DNAH17: variants seen among roughly 807,000 people sequenced by gnomAD.
The protein encoded by DNAH17 is dynein axonemal heavy chain 17.
In DNAH17, 376 loss-of-function variants were observed where a neutral mutation model predicts 485.6. That is an observed-to-expected ratio of 0.77 (90% CI 0.71 to 0.84). DNAH17 has a LOEUF of 0.84. DNAH17 is among the 40% of genes least tolerant of loss of function. The pLI is 0.00. For synonymous variants in DNAH17, 3,031 were observed against 2,405.9 expected (o/e 1.26, Z -7.60); for missense variants, 6,370 against 5,839.3 (o/e 1.09, Z -2.96).
At chr17:78,446,732 C>T (rs1171131788) in intron 69 of DNAH17, among the ~76,000 whole-genome samples, 1 of 152,186 alleles carries the variant, frequency 6.6e-6, no homozygotes, top group African/African-American at 2.4e-5. Flanking sequence ...CAACTTCCAC[C>T]TCCTGGGTTC....
rs147635852 is a variant in DNAH17, at chr17:78,459,942, G to A, written c.9495C>T (p.Thr3165=). 1.4e-4 allele frequency: 223 copies of A among 1,613,746 alleles called. No individual in the cohort carries two copies. The African/African-American group carries it at 1.9e-3, about 14-fold the overall frequency. The change falls in exon 60 of 81, where the codon ACC becomes ACT. Residue 3165 remains threonine (T), a synonymous_variant. Transcript: ENST00000389840. ...GTGCGGTCAGAATCATGACGGCGGC[G>A]GTGACGTTGACCACAGCATCCGGCG... ...GSPPDAVVNV[T]AAVMILTAPG...
chr17:78,449,122 A>C (rs76536661), intron 69 of DNAH17, among the ~76,000 whole-genome samples: 1,940 of 152,310 alleles, frequency 0.013, 40 homozygotes, highest in African/African-American at 0.041. Context: ...ACTCAGCACA[A>C]CTTACATGTA....
intron 58 of DNAH17, among the ~76,000 whole-genome samples, chr17:78,460,903 G>A (rs1473675096): frequency 1.3e-5 from 2 of 152,172 alleles, no homozygotes; most frequent in Admixed American, 1.3e-4. Context: ...TCAGGAGACA[G>A]TGGGCCATGA....
At chr17:78,452,820 C>A (rs1466739523) in intron 65 of DNAH17, among the ~76,000 whole-genome samples, 3 of 152,098 alleles carry the variant, frequency 2.0e-5, no homozygotes, top group Non-Finnish European at 4.4e-5. Flanking sequence ...AGGAAATGTC[C>A]AGAATAGGCA....
chr17:78,441,947 G>A (rs905109809), intron 71 of DNAH17, among the ~76,000 whole-genome samples: 2 of 152,160 alleles, frequency 1.3e-5, no homozygotes, highest in Non-Finnish European at 2.9e-5. Flanking sequence ...GCCAGGTGTG[G>A]TGGCACAGGC....
chr17:78,510,677 C>T (rs2090610450), intron 26 of DNAH17, 171 bp from the exon 27 acceptor site: 2 of 816,336 alleles, frequency 2.4e-6, no homozygotes, highest in East Asian at 5.5e-5. Context: ...GAGGAAGTGA[C>T]TTCTCCAAGC....
chr17:78,536,258 T>C (rs2091371030), intron 19 of DNAH17, among the ~76,000 whole-genome samples: 2 of 151,736 alleles, frequency 1.3e-5, no homozygotes, highest in South Asian at 4.2e-4. Context: ...GCCAACATGG[T>C]GAAACCCCGT....
intron 16 of DNAH17, among the ~76,000 whole-genome samples, chr17:78,545,973 A>C (rs959370772): frequency 7.5e-5 from 7 of 93,646 alleles, no homozygotes; most frequent in Admixed American, 3.1e-4. Context: ...TACCATTTGA[A>C]ATTTTTTTTT....
rs12941494 is a variant in DNAH17 at position 78,437,816 on chromosome 17, T to C, written c.11858A>G (p.His3953Arg). 1,597,324 of 1,612,240 alleles carry C rather than the reference T, an allele frequency of 0.99. 792,214 individuals carry two copies. The highest frequency in any genetic ancestry group is 1 in the East Asian group (44,865 of 44,870). ...GTCCTCATGGCTGCCCGTGCTGTAG[T>C]GCTCCAGCTTCTTGTCCAGTGTTCC... ...WLGTLDKKLE[H>R]YSTGSHEDYR... is the part of the protein sequence containing the mutation. Residue 3953 changes from histidine to arginine, a missense_variant, in exon 74 of 81, where the codon CAC (histidine) becomes CGC (arginine). Coordinates refer to ENST00000389840, the MANE Select transcript of DNAH17 (RefSeq NM_173628.4).
At position 78,553,513 on chromosome 17, in the gene DNAH17, G is replaced by A. The variant is rs1033166703; in HGVS notation, c.2179-708C>T. On this transcript the variant is annotated intron_variant, in intron 14 of 80. Coordinates refer to ENST00000389840, the MANE Select transcript of DNAH17 (RefSeq NM_173628.4). ...CGCAGGGTTTCACTATGTTGGCCAG[G>A]CTGGTCTTGAACTCCTGACCTCAAA... Among the ~76,000 whole-genome samples the A allele has an allele frequency of 3.3e-5, 5 of 152,028 alleles. 1 individual carries two copies. Among genetic ancestry groups the A allele is most frequent in the Admixed American group, 2.6e-4 (4 of 15,268 alleles).
intron 57 of DNAH17, 65 bp from the exon 58 acceptor site, chr17:78,461,773 G>A: frequency 6.8e-7 from 1 of 1,479,954 alleles, no homozygotes; most frequent in Non-Finnish European, 9.1e-7. Flanking sequence ...GCCCTGCACT[G>A]GGCAGACGAG....
chr17:78,463,952 C>T (rs897474642), intron 56 of DNAH17, among the ~76,000 whole-genome samples: 1 of 152,216 alleles, frequency 6.6e-6, no homozygotes, highest in African/African-American at 2.4e-5. Context: ...CAAATCTATG[C>T]TCCAAGGGAC....
rs757385774 is a variant in DNAH17, at chr17:78,532,698, C to A, written c.2898G>T (p.Arg966Ser). The A allele has an allele frequency of 6.3e-7, 1 of 1,593,616 alleles. No homozygotes were observed. Among genetic ancestry groups the A allele is most frequent in the Non-Finnish European group, 8.6e-7 (1 of 1,168,954 alleles). Residue 966 changes from arginine (R) to serine (S), a missense_variant, in exon 20 of 81, where the codon AGG becomes AGT. Arg to Ser is a moderately radical substitution (Grantham distance 110). Coordinates refer to ENST00000389840, the MANE Select transcript of DNAH17 (RefSeq NM_173628.4). ...LEDNTDLIEM[R>S]EEVSSLVINA... ...TGATGACCAGGCTGGACACCTCCTC[C>A]CTCATCTCTATGAGGTCTGTGTTAT...
intron 54 of DNAH17, among the ~76,000 whole-genome samples, chr17:78,472,415 A>G (rs2146581767): frequency 6.6e-6 from 1 of 152,118 alleles, no homozygotes; most frequent in Middle Eastern, 3.4e-3. Flanking sequence ...CATGAGGCCA[A>G]GCCCCCACCC....
intron 2 of DNAH17, 109 bp downstream of exon 2, chr17:78,574,604 C>G (rs2092407311): frequency 1.0e-6 from 1 of 958,208 alleles, no homozygotes; most frequent in East Asian, 2.5e-5. Context: ...CTCCCCGGCT[C>G]TGCAGCTGCT....
intron 68 of DNAH17, chr17:78,449,899 C>G: frequency 2.3e-6 from 1 of 429,894 alleles, no homozygotes; most frequent in Non-Finnish European, 4.3e-6. Flanking sequence ...TGGTCTTGAA[C>G]TCCTGACCTC....
rs12942586 is a variant in DNAH17, at chr17:78,484,692, A to G, written c.7649+176T>C. ...ACCTCAATGCCTTGTGGCCCCACAA[A>G]CTTGGGGGCCCAGCTACGACCCGTG... is the stretch of plus-strand genomic sequence containing the variant. On this transcript the variant is annotated intron_variant, in intron 48 of 80. Transcript: ENST00000389840. 0.5 allele frequency: 189,465 copies of G among 381,212 alleles called. 51,163 individuals carry two copies. Among genetic ancestry groups the G allele is most frequent in the Admixed American group, 0.65 (13,358 of 20,566 alleles). The allele number at this position is 381,212 out of a possible 1,614,324, so 23.6% of individuals were successfully genotyped here. A position where few individuals can be genotyped will look rare whatever the true frequency, so the allele number is the denominator to read the frequency against.
intron 51 of DNAH17, among the ~76,000 whole-genome samples, chr17:78,478,577 A>T (rs1031242583): frequency 6.6e-6 from 1 of 151,082 alleles, no homozygotes; most frequent in African/African-American, 2.4e-5. Flanking sequence ...GACCATCACC[A>T]TTACCACCAT....
Position 78,459,939 on chromosome 17 carries a change from G to A in DNAH17, c.9498C>T (p.Ala3166=), listed in dbSNP as rs140402563. The A allele has an allele frequency of 2.4e-4, 384 of 1,613,796 alleles. 1 individual carries two copies. The African/African-American group carries it at 3.9e-3, about 16-fold the overall frequency. The change falls in exon 60 of 81, where the codon GCC becomes GCT. Residue 3166 remains alanine, a synonymous_variant. Transcript: ENST00000389840. ...SPPDAVVNVT[A]AVMILTAPGG... ...CAGGTGCGGTCAGAATCATGACGGC[G>A]GCGGTGACGTTGACCACAGCATCCG...
Sources: gnomAD v4.1 joint callset for allele counts (sites outside exome capture counted in the v4.1 genomes callset) on GRCh38, gnomAD v4.1.1 for gene constraint, MANE v1.5 for transcripts, NCBI Gene and HGNC (gene_info 2026-07-23, HGNC 2026-07-21) for gene names.